The following CEP112 variants were observed in gnomAD, a reference collection of about 807,000 sequenced individuals.
CEP112 encodes centrosomal protein of 112 kDa.
In CEP112, 127 loss-of-function variants were observed where a neutral mutation model predicts 153.0. The ratio of observed to expected loss-of-function variants is 0.83; its 90% CI spans 0.72 to 0.96. CEP112 has a LOEUF of 0.96. Among genes scored for constraint, CEP112 ranks in the 40% least tolerant of loss-of-function variants. The pLI is 0.00. For synonymous variants in CEP112, 358 were observed against 374.4 expected, an observed-to-expected ratio of 0.96 and a Z score of 0.51; for missense variants, 1,089 against 1,101.2, an observed-to-expected ratio of 0.99 and a Z score of 0.16.
chr17:66,061,877 T>A (rs2066933909), intron 11 of CEP112, among the ~76,000 whole-genome samples: 1 of 152,148 alleles, frequency 6.6e-6, no homozygotes, highest in Non-Finnish European at 1.5e-5. Flanking sequence ...ACCCAAAATC[T>A]CATCTTGAAT....
At chr17:65,735,988 C>T (rs943157428) in intron 23 of CEP112, among the ~76,000 whole-genome samples, 3 of 152,140 alleles carry the variant, frequency 2.0e-5, no homozygotes, top group Non-Finnish European at 4.4e-5. Context: ...TAAGAAAAAA[C>T]AACATGCCCA....
chr17:66,100,091 A>C (rs1183105848), intron 6 of CEP112, among the ~76,000 whole-genome samples: 4 of 152,160 alleles, frequency 2.6e-5, no homozygotes, highest in Admixed American at 6.5e-5. Context: ...AGTAACAAAA[A>C]TCATCCAAGA....
chr17:66,075,918 T>C (rs567144037), intron 8 of CEP112, among the ~76,000 whole-genome samples: 1 of 152,270 alleles, frequency 6.6e-6, no homozygotes, highest in East Asian at 1.9e-4. Flanking sequence ...AGACCCTCCA[T>C]TCCCAAACAC....
chr17:65,655,978 C>A (rs1033377738), intron 24 of CEP112, among the ~76,000 whole-genome samples: 3 of 152,196 alleles, frequency 2.0e-5, no homozygotes, highest in Admixed American at 2.0e-4. Flanking sequence ...CAGCAGCATT[C>A]ATTCCAGCAT....
intron 23 of CEP112, among the ~76,000 whole-genome samples, chr17:65,716,490 G>A (rs2049524697): frequency 6.6e-6 from 1 of 152,104 alleles, no homozygotes. Flanking sequence ...TTCGATGGTT[G>A]AAAGAGACTG....
At chr17:65,671,356 G>T (rs1420577464) in intron 24 of CEP112, among the ~76,000 whole-genome samples, 1 of 152,216 alleles carries the variant, frequency 6.6e-6, no homozygotes, top group Non-Finnish European at 1.5e-5. Flanking sequence ...AGAGGATCTT[G>T]CACTGTGTCT....
chr17:65,889,042 T>A (rs74784181), intron 20 of CEP112, among the ~76,000 whole-genome samples: 2,550 of 152,238 alleles, frequency 0.017, 22 homozygotes, highest in Admixed American at 0.03. Flanking sequence ...TAGTACCTAA[T>A]TGGCAAAGTT....
At chr17:65,971,082 T>C (rs1021290002) in intron 17 of CEP112, among the ~76,000 whole-genome samples, 2 of 152,228 alleles carry the variant, frequency 1.3e-5, no homozygotes, top group Non-Finnish European at 2.9e-5. Flanking sequence ...TCACATGTCT[T>C]ACATGTATAT....
intron 23 of CEP112, among the ~76,000 whole-genome samples, chr17:65,729,802 A>G (rs1207742977): frequency 6.6e-6 from 1 of 152,132 alleles, no homozygotes; most frequent in Non-Finnish European, 1.5e-5. Flanking sequence ...CCAGCTACTA[A>G]GGTTGGGGTC....
chr17:65,763,640 A>T (rs576093722), intron 21 of CEP112, among the ~76,000 whole-genome samples: 2 of 150,908 alleles, frequency 1.3e-5, no homozygotes, highest in East Asian at 3.9e-4. Flanking sequence ...AGGGTTTTTG[A>T]TCTCTAGCAT....
chr17:65,654,923 A>G, intron 24 of CEP112: 2 of 597,228 alleles, frequency 3.3e-6, no homozygotes, highest in Admixed American at 3.9e-5. Flanking sequence ...AGGAACTCGG[A>G]CAGCGATCCA....
At chr17:65,835,024 G>C (rs1023124597) in intron 21 of CEP112, among the ~76,000 whole-genome samples, 1 of 152,020 alleles carries the variant, frequency 6.6e-6, no homozygotes, top group African/African-American at 2.4e-5. Context: ...ATAAAAGAAT[G>C]AGATCATGTC....
intron 13 of CEP112, among the ~76,000 whole-genome samples, chr17:66,029,483 G>GA (rs1436290702): frequency 6.6e-6 from 1 of 152,040 alleles, no homozygotes; most frequent in African/African-American, 2.4e-5. Flanking sequence ...GATCACTTCA[G>GA]AAAAAGAGTT....
chr17:65,856,970 G>GT (rs1477634552), intron 20 of CEP112, among the ~76,000 whole-genome samples: 7 of 152,186 alleles, frequency 4.6e-5, no homozygotes, highest in African/African-American at 1.4e-4. Context: ...GAGATATTGT[G>GT]TGTTTGGTTC....
At chr17:66,014,743 T>A (rs1293891754) in intron 16 of CEP112, among the ~76,000 whole-genome samples, 1 of 152,204 alleles carries the variant, frequency 6.6e-6, no homozygotes, top group East Asian at 1.9e-4. Flanking sequence ...GGCAGCCCCA[T>A]GCAGGATTCC....
At chr17:65,828,841 A>G (rs2056956577) in intron 21 of CEP112, among the ~76,000 whole-genome samples, 1 of 151,960 alleles carries the variant, frequency 6.6e-6, no homozygotes, top group Non-Finnish European at 1.5e-5. Flanking sequence ...TTAGTTTTTT[A>G]CAATATTCAA....
chr17:65,873,092 C>G (rs1015626829), intron 20 of CEP112: 1 of 152,222 alleles, frequency 6.6e-6, no homozygotes, highest in Non-Finnish European at 1.5e-5. Flanking sequence ...CACCAGCTTG[C>G]ACTCTCCCTC....
intron 20 of CEP112, among the ~76,000 whole-genome samples, chr17:65,883,258 GT>G (rs2059150071): frequency 7.9e-6 from 1 of 126,422 alleles, no homozygotes; most frequent in Non-Finnish European, 1.8e-5. Context: ...ATGCTAAGAA[GT>G]TTACATATAT....
chr17:65,799,429 T>A (rs2055131466), intron 21 of CEP112, among the ~76,000 whole-genome samples: 1 of 152,150 alleles, frequency 6.6e-6, no homozygotes, highest in African/African-American at 2.4e-5. Context: ...AATTCAGGGT[T>A]TTAGTCAAAT....
Sources: allele counts gnomAD v4.1 joint callset (sites outside exome capture counted in the v4.1 genomes callset), GRCh38; gene constraint gnomAD v4.1.1; transcripts MANE v1.5; gene names NCBI Gene and HGNC (gene_info 2026-07-23, HGNC 2026-07-21).